Variants in EYA4 observed in about 807,000 individuals in gnomAD.
EYA4 encodes protein phosphatase EYA4.
EYA4 carries 31 observed loss-of-function variants against 87.9 expected under a neutral mutation model. The observed-to-expected ratio is 0.35, with a 90% confidence interval of 0.27 to 0.48. EYA4 has a LOEUF of 0.48. Ranked by LOEUF, EYA4 falls within the 20% of genes least tolerant of loss-of-function variation. EYA4 has a pLI of 0.99. For missense variants in EYA4, 678 were observed against 761.4 expected (o/e 0.89, Z 1.29); for synonymous variants, 263 against 270.6 (o/e 0.97, Z 0.28).
chr6:133,260,137 A>C lies in EYA4; in HGVS notation c.-65-14579A>C, dbSNP rs527558700. Among the ~76,000 whole-genome samples, 5 of 151,930 alleles carry C rather than the reference A, an allele frequency of 3.3e-5. No individual in the cohort carries two copies. In the East Asian group the frequency reaches 9.7e-4, roughly 29 times the overall value. On this transcript the variant is annotated intron_variant, in intron 1 of 19. Coordinates refer to ENST00000355286, the MANE Select transcript of EYA4 (RefSeq NM_004100.5). ...TTTTGTGTCTGTTTTAAGTATACCT[A>C]TCTAGTTTTTTCCACATTGCTCTGT...
chr6:133,257,606 G>A (rs1411629169), intron 1 of EYA4, among the ~76,000 whole-genome samples: 4 of 152,214 alleles, frequency 2.6e-5, no homozygotes, highest in South Asian at 2.1e-4. Context: ...TTTTATAAAC[G>A]TTGAATCAAA....
At chr6:133,465,563 C>G (rs765380853) in intron 10 of EYA4, among the ~76,000 whole-genome samples, 1 of 152,040 alleles carries the variant, frequency 6.6e-6, no homozygotes, top group Non-Finnish European at 1.5e-5. Flanking sequence ...TAAATCAGCT[C>G]GGAGTGAGAT....
intron 3 of EYA4, among the ~76,000 whole-genome samples, chr6:133,434,460 A>G (rs1791468674): frequency 6.6e-6 from 1 of 152,216 alleles, no homozygotes. Context: ...ACTGTAGGCC[A>G]ACCTTTGGAT....
chr6:133,378,673 G>A (rs954105965), intron 2 of EYA4, among the ~76,000 whole-genome samples: 2 of 152,030 alleles, frequency 1.3e-5, no homozygotes, highest in Non-Finnish European at 2.9e-5. Flanking sequence ...TGCCTGGCAT[G>A]TGGAAAACAC....
In EYA4 at chr6:133,355,717, T is replaced by G. The variant is rs147141098; in HGVS notation, c.34-26675T>G. Among the ~76,000 whole-genome samples, 51 of 152,328 alleles carry G rather than the reference T, an allele frequency of 3.3e-4. No individual in the cohort carries two copies. The Middle Eastern group carries it at 0.01, about 30-fold the overall frequency. On this transcript the variant is annotated intron_variant, in intron 2 of 19. Coordinates refer to ENST00000355286, the MANE Select transcript of EYA4 (RefSeq NM_004100.5). ...GTTATTTATATTCAAAGATTAAGCT[T>G]CTTGTGTTGAAAAATCATTTTTATG...
At chr6:133,267,041 C>T (rs1184223558) in intron 1 of EYA4, among the ~76,000 whole-genome samples, 6 of 152,128 alleles carry the variant, frequency 3.9e-5, no homozygotes, top group Non-Finnish European at 7.4e-5. Context: ...GAAATTTAAT[C>T]TGTAGAAGAA....
intron 2 of EYA4, among the ~76,000 whole-genome samples, chr6:133,328,483 A>G (rs997344686): frequency 3.9e-5 from 6 of 152,124 alleles, no homozygotes; most frequent in African/African-American, 1.4e-4. Flanking sequence ...TGCTCAATAA[A>G]TGGCAGCACT....
chr6:133,404,972 C>T (rs1788580699), intron 3 of EYA4, among the ~76,000 whole-genome samples: 1 of 152,126 alleles, frequency 6.6e-6, no homozygotes, highest in African/African-American at 2.4e-5. Context: ...TTCGTAGCTG[C>T]CTTCAGACAT....
chr6:133,488,950 T>C (rs934547326), intron 13 of EYA4, among the ~76,000 whole-genome samples: 1 of 152,180 alleles, frequency 6.6e-6, no homozygotes, highest in African/African-American at 2.4e-5. Flanking sequence ...GATGGAGATA[T>C]GTGACCTTTC....
At chr6:133,326,512 A>G (rs1341356919) in intron 2 of EYA4, among the ~76,000 whole-genome samples, 2 of 152,212 alleles carry the variant, frequency 1.3e-5, no homozygotes, top group Admixed American at 6.5e-5. Context: ...ATACAGAAAG[A>G]GAACTGAAAT....
chr6:133,432,517 AT>A (rs1243365906), intron 3 of EYA4, among the ~76,000 whole-genome samples: 1 of 148,814 alleles, frequency 6.7e-6, no homozygotes, highest in East Asian at 2.0e-4. Flanking sequence ...GGAGACTATC[AT>A]GTTATAGTAT....
chr6:133,275,878 A>C (rs562878672), intron 2 of EYA4, among the ~76,000 whole-genome samples: 2 of 152,370 alleles, frequency 1.3e-5, no homozygotes, highest in East Asian at 3.9e-4. Flanking sequence ...GTAACAAAAA[A>C]TTATAAAGTG....
intron 11 of EYA4, among the ~76,000 whole-genome samples, chr6:133,479,267 G>A (rs1482239274): frequency 2.0e-5 from 3 of 152,080 alleles, no homozygotes; most frequent in African/African-American, 7.2e-5. Context: ...GGTGAAACAT[G>A]ATTTACTATG....
intron 2 of EYA4, among the ~76,000 whole-genome samples, chr6:133,286,005 A>G (rs1364231048): frequency 6.6e-6 from 1 of 152,142 alleles, no homozygotes; most frequent in Non-Finnish European, 1.5e-5. Context: ...GGTGCATCTC[A>G]GTTTCCTTAC....
At chr6:133,513,152 T>C in intron 16 of EYA4, 114 bp downstream of exon 16, 1 of 1,096,054 alleles carries the variant, frequency 9.1e-7, no homozygotes, top group East Asian at 2.5e-5. Flanking sequence ...AAGCTCATAT[T>C]AAACCACATT....
chr6:133,444,429 T>G (rs944214548), intron 3 of EYA4, among the ~76,000 whole-genome samples: 1 of 152,156 alleles, frequency 6.6e-6, no homozygotes, highest in African/African-American at 2.4e-5. Flanking sequence ...ACTTTTCAGG[T>G]TCCCAGGATG....
Position 133,531,063 on chromosome 6 carries a change from T to C in EYA4, c.*2258T>C, listed in dbSNP as rs548096495. ...CATTACATCTAAATTTGTAAGTCTT[T>C]TCATATCAAACAAGCAAGGCTTTTT... On this transcript the variant is annotated 3_prime_UTR_variant, in exon 20 of 20. Coordinates refer to ENST00000355286, the MANE Select transcript of EYA4 (RefSeq NM_004100.5). 6 of 1,407,546 alleles carry C rather than the reference T, an allele frequency of 4.3e-6. No homozygotes were observed. The South Asian group carries it at 8.1e-5, about 19-fold the overall frequency. 87.2% of individuals were successfully genotyped at this position (1,407,546 alleles called of 1,614,324 possible). A position where few individuals can be genotyped will look rare whatever the true frequency, so the allele number is the denominator to read the frequency against.
At chr6:133,467,258 T>A (rs2128670993) in intron 10 of EYA4, among the ~76,000 whole-genome samples, 1 of 152,240 alleles carries the variant, frequency 6.6e-6, no homozygotes, top group Middle Eastern at 3.4e-3. Flanking sequence ...ACTTAGGCAC[T>A]CTGGGTTTAA....
chr6:133,407,182 A>G (rs1193565409), intron 3 of EYA4, among the ~76,000 whole-genome samples: 1 of 151,554 alleles, frequency 6.6e-6, no homozygotes, highest in Non-Finnish European at 1.5e-5. Context: ...TAAAGTGCTA[A>G]TTCAGTTTAT....
Sources: gnomAD v4.1 joint callset for allele counts (sites outside exome capture counted in the v4.1 genomes callset) on GRCh38, gnomAD v4.1.1 for gene constraint, MANE v1.5 for transcripts, NCBI Gene and HGNC (gene_info 2026-07-23, HGNC 2026-07-21) for gene names.